IMMP2L: variants seen among roughly 807,000 people sequenced by gnomAD.
IMMP2L encodes mitochondrial inner membrane protease subunit 2.
A neutral mutation model predicts 19.3 loss-of-function variants in IMMP2L; 18 were observed. The observed-to-expected ratio is 0.93, with a 90% CI of 0.64 to 1.38. The LOEUF (loss-of-function observed/expected upper bound fraction) is 1.38. IMMP2L is among the 40% of genes most tolerant of loss of function. The pLI is 0.00. For missense variants in IMMP2L, 233 were observed against 218.2 expected, an observed-to-expected ratio of 1.07 and a Z score of -0.43; for synonymous variants, 76 against 73.0, an observed-to-expected ratio of 1.04 and a Z score of -0.21.
chr7:111,203,842 C>A (rs2129616479), intron 3 of IMMP2L, among the ~76,000 whole-genome samples: 1 of 152,080 alleles, frequency 6.6e-6, no homozygotes, highest in Non-Finnish European at 1.5e-5. Flanking sequence ...GAAAAAAAAT[C>A]ACTAAATCCT....
intron 5 of IMMP2L, among the ~76,000 whole-genome samples, chr7:110,839,316 C>G (rs200475557): frequency 6.6e-6 from 1 of 151,978 alleles, no homozygotes; most frequent in Non-Finnish European, 1.5e-5. Context: ...GATTTGTAAA[C>G]ACTCCTTGGA....
chr7:110,912,830 G>A (rs1350029957), intron 4 of IMMP2L, among the ~76,000 whole-genome samples: 1 of 151,916 alleles, frequency 6.6e-6, no homozygotes, highest in Non-Finnish European at 1.5e-5. Context: ...TTACTGCTCA[G>A]GAACTGATGC....
intron 4 of IMMP2L, among the ~76,000 whole-genome samples, chr7:110,931,548 G>A (rs1243008244): frequency 1.3e-5 from 2 of 152,030 alleles, no homozygotes; most frequent in African/African-American, 4.8e-5. Flanking sequence ...TAATCTTGAC[G>A]TGTTCTTCAG....
In IMMP2L at chr7:111,485,597, C is replaced by CAAAAAAAAAAAAAA. The variant is rs71147477; in HGVS notation, c.239+1627_239+1640dup. On this transcript the variant is annotated intron_variant, in intron 3 of 5. Coordinates refer to ENST00000405709, the MANE Select transcript of IMMP2L (RefSeq NM_032549.4). ...TGCGCAACAGAGCGAGACTCTGTTT[C>CAAAAAAAAAAAAAA]AAAAAAAAAAAAAAAAAAAAAAAAA... is the stretch of plus-strand genomic sequence containing the variant. 7.9e-5 allele frequency among the ~76,000 whole-genome samples: 4 copies of CAAAAAAAAAAAAAA among 50,596 alleles called. 1 individual carries two copies. The highest frequency in any genetic ancestry group is 3.5e-4 in the Admixed American group (1 of 2,872). 33.2% of individuals were successfully genotyped at this position (50,596 alleles called of 152,430 possible). A position where few individuals can be genotyped will look rare whatever the true frequency, so the allele number is the denominator to read the frequency against.
chr7:111,355,839 T>C (rs1337401024), intron 3 of IMMP2L, among the ~76,000 whole-genome samples: 2 of 152,014 alleles, frequency 1.3e-5, no homozygotes, highest in Non-Finnish European at 1.5e-5. Context: ...GCTTTATTAA[T>C]AGTGCTCTTT....
intron 4 of IMMP2L, among the ~76,000 whole-genome samples, chr7:110,925,401 C>T (rs1427636288): frequency 6.6e-6 from 1 of 151,958 alleles, no homozygotes; most frequent in African/African-American, 2.4e-5. Context: ...CATAGCTGTA[C>T]CAGGACACAC....
intron 3 of IMMP2L, among the ~76,000 whole-genome samples, chr7:111,290,471 T>C (rs1820960687): frequency 6.6e-6 from 1 of 151,984 alleles, no homozygotes; most frequent in African/African-American, 2.4e-5. Flanking sequence ...TAAAATATAA[T>C]CTGTGTTTAT....
At chr7:111,337,933 G>T (rs1775089001) in intron 3 of IMMP2L, among the ~76,000 whole-genome samples, 1 of 151,842 alleles carries the variant, frequency 6.6e-6, no homozygotes, top group South Asian at 2.1e-4. Context: ...GTTTACCAGA[G>T]ATACAAAGAA....
intron 3 of IMMP2L, among the ~76,000 whole-genome samples, chr7:111,083,120 G>T (rs2129576680): frequency 6.6e-6 from 1 of 152,210 alleles, no homozygotes; most frequent in African/African-American, 2.4e-5. Context: ...CAATGTTGAA[G>T]TTTTATGTAT....
chr7:111,298,420 G>GA (rs1274735221), intron 3 of IMMP2L, among the ~76,000 whole-genome samples: 1 of 152,058 alleles, frequency 6.6e-6, no homozygotes, highest in Non-Finnish European at 1.5e-5. Context: ...TCTGGGATTT[G>GA]AAAAATGCTA....
intron 3 of IMMP2L, among the ~76,000 whole-genome samples, chr7:111,073,088 A>G (rs1428481375): frequency 6.6e-6 from 1 of 152,180 alleles, no homozygotes; most frequent in Non-Finnish European, 1.5e-5. Flanking sequence ...ACTGAATTTG[A>G]TAATTGTACT....
chr7:110,736,091 G>A (rs1375082173), intron 5 of IMMP2L, among the ~76,000 whole-genome samples: 4 of 152,116 alleles, frequency 2.6e-5, no homozygotes, highest in Non-Finnish European at 4.4e-5. Context: ...TGCACCAGCT[G>A]TGGCTCAAGT....
At chr7:111,014,738 A>C (rs1305544168) in intron 3 of IMMP2L, among the ~76,000 whole-genome samples, 1 of 152,166 alleles carries the variant, frequency 6.6e-6, no homozygotes, top group Non-Finnish European at 1.5e-5. Context: ...AAAAAACCAA[A>C]TAAGCCATCT....
intron 5 of IMMP2L, among the ~76,000 whole-genome samples, chr7:110,846,218 C>G (rs146704300): frequency 7.2e-5 from 11 of 152,142 alleles, no homozygotes; most frequent in African/African-American, 2.7e-4. Context: ...CCCAAGAAAA[C>G]CGAGAACCTG....
chr7:110,732,003 A>G (rs574858421), intron 5 of IMMP2L, among the ~76,000 whole-genome samples: 8 of 152,340 alleles, frequency 5.3e-5, no homozygotes, highest in South Asian at 4.1e-4. Context: ...AATGAAGACT[A>G]TAAGAGCATA....
chr7:111,064,951 A>G (rs1016596349), intron 3 of IMMP2L, among the ~76,000 whole-genome samples: 10 of 152,202 alleles, frequency 6.6e-5, no homozygotes, highest in Admixed American at 3.3e-4. Flanking sequence ...AGGCCGGACT[A>G]CAAATGGCCC....
intron 5 of IMMP2L, among the ~76,000 whole-genome samples, chr7:110,744,954 TG>T (rs1797236218): frequency 6.6e-6 from 1 of 152,126 alleles, no homozygotes; most frequent in Non-Finnish European, 1.5e-5. Flanking sequence ...CAAACTCCTC[TG>T]AGCTAAAGGA....
At chr7:111,463,676 A>T (rs897032040) in intron 3 of IMMP2L, among the ~76,000 whole-genome samples, 1 of 152,116 alleles carries the variant, frequency 6.6e-6, no homozygotes, top group Non-Finnish European at 1.5e-5. Context: ...TCCTTCTGCC[A>T]TCAGGCTATG....
chr7:110,904,652 T>G (rs890721463), intron 4 of IMMP2L, among the ~76,000 whole-genome samples: 4 of 152,236 alleles, frequency 2.6e-5, no homozygotes, highest in African/African-American at 9.6e-5. Flanking sequence ...CAGATTACTA[T>G]AGCTTGCTTC....
Sources: allele counts gnomAD v4.1 joint callset (sites outside exome capture counted in the v4.1 genomes callset), GRCh38; gene constraint gnomAD v4.1.1; transcripts MANE v1.5; gene names NCBI Gene and HGNC (gene_info 2026-07-23, HGNC 2026-07-21).